The following ODF1 variants were observed in gnomAD, a reference collection of about 807,000 sequenced individuals.
The protein encoded by ODF1 is outer dense fiber protein 1.
In ODF1, 10 loss-of-function variants were observed where a neutral mutation model predicts 24.0. The observed-to-expected ratio is 0.42, with a 90% CI of 0.26 to 0.71. The LOEUF (loss-of-function observed/expected upper bound fraction) is 0.71, where lower values mean the gene tolerates loss of function less well. Ranked by LOEUF, ODF1 falls within the 30% of genes least tolerant of loss-of-function variation. The pLI is 0.28. For missense variants in ODF1, 282 were observed against 307.9 expected, an observed-to-expected ratio of 0.92 and a Z score of 0.63; for synonymous variants, 118 against 121.3, an observed-to-expected ratio of 0.97 and a Z score of 0.18.
chr8:102,553,008 A>ATAGATAGATAGATAGATAGT (rs1554684407), intron 1 of ODF1, among the ~76,000 whole-genome samples: 169 of 113,250 alleles, frequency 1.5e-3, no homozygotes, highest in African/African-American at 5.5e-3. Flanking sequence ...AGATAGATAG[A>ATAGATAGATAGATAGATAGT]TAGATAGATG....
chr8:102,559,131 T>G (rs1826148274), intron 1 of ODF1, among the ~76,000 whole-genome samples: 1 of 151,520 alleles, frequency 6.6e-6, no homozygotes, highest in Non-Finnish European at 1.5e-5. Context: ...ATTAACTGAT[T>G]TAAGCCTCAC....
chr8:102,558,731 C>T (rs1826143065), intron 1 of ODF1, among the ~76,000 whole-genome samples: 1 of 147,166 alleles, frequency 6.8e-6, no homozygotes, highest in African/African-American at 2.7e-5. Flanking sequence ...TCTCTCTCTA[C>T]ATGTATATAG....
At chr8:102,557,662 G>A (rs780648093) in intron 1 of ODF1, among the ~76,000 whole-genome samples, 1 of 152,262 alleles carries the variant, frequency 6.6e-6, no homozygotes, top group Non-Finnish European at 1.5e-5. Flanking sequence ...GCCAAAACCA[G>A]CTGTGGCCAT....
chr8:102,558,560 T>C (rs1188652871), intron 1 of ODF1, among the ~76,000 whole-genome samples: 2 of 152,244 alleles, frequency 1.3e-5, no homozygotes, highest in Non-Finnish European at 2.9e-5. Flanking sequence ...CTGAGTTCTG[T>C]TTGATCATTT....
At chr8:102,556,804 G>C (rs1182234879) in intron 1 of ODF1, among the ~76,000 whole-genome samples, 1 of 152,124 alleles carries the variant, frequency 6.6e-6, no homozygotes, top group South Asian at 2.1e-4. Context: ...GGAAAGAGAG[G>C]GATTGAGTTT....
intron 1 of ODF1, among the ~76,000 whole-genome samples, chr8:102,553,703 A>T (rs1826076951): frequency 6.6e-6 from 1 of 152,030 alleles, no homozygotes; most frequent in African/African-American, 2.4e-5. Context: ...CCCAGACTCT[A>T]CCAATTAAAA....
chr8:102,558,268 G>A (rs554367554), intron 1 of ODF1, among the ~76,000 whole-genome samples: 61 of 152,184 alleles, frequency 4.0e-4, no homozygotes, highest in African/African-American at 1.2e-3. Flanking sequence ...TGGCTAACAC[G>A]GTGAAACACC....
rs183648974 is a variant in ODF1 at position 102,558,879 on chromosome 8, G to A, written c.321-1573G>A. ...ATATGTTTACTTATCTGTATTTTGAGTCTTCTACAATGAACTTGTATAACT... is the reference window on the plus strand; with the variant it reads ...ATATGTTTACTTATCTGTATTTTGAATCTTCTACAATGAACTTGTATAACT... On this transcript the variant is annotated intron_variant, in intron 1 of 1. Coordinates refer to ENST00000285402, the MANE Select transcript of ODF1 (RefSeq NM_024410.4). Among the ~76,000 whole-genome samples, 217 of 151,402 alleles carry A rather than the reference G, an allele frequency of 1.4e-3. 3 individuals carry two copies. The highest frequency in any genetic ancestry group is 2.6e-3 in the Non-Finnish European group (180 of 68,006).
chr8:102,557,224 A>C (rs1826123195), intron 1 of ODF1, among the ~76,000 whole-genome samples: 1 of 152,154 alleles, frequency 6.6e-6, no homozygotes, highest in South Asian at 2.1e-4. Context: ...ATAGGAGGCA[A>C]ACTCCCTTTG....
chr8:102,560,041 TATC>T (rs1404840704), intron 1 of ODF1, among the ~76,000 whole-genome samples: 2 of 151,460 alleles, frequency 1.3e-5, no homozygotes, highest in Non-Finnish European at 2.9e-5. Context: ...CTAAGTAAAA[TATC>T]ATAATCTCAT....
intron 1 of ODF1, among the ~76,000 whole-genome samples, chr8:102,553,393 A>AC (rs1826072304): frequency 7.3e-6 from 1 of 136,650 alleles, no homozygotes; most frequent in African/African-American, 2.8e-5. Flanking sequence ...AAAAAAAAAA[A>AC]GGATAATTAT....
chr8:102,559,049 CAAA>C (rs200614583), intron 1 of ODF1, among the ~76,000 whole-genome samples: 3 of 124,972 alleles, frequency 2.4e-5, no homozygotes, highest in Admixed American at 7.9e-5. Context: ...CAGCACATTG[CAAA>C]AAAAAAAAAA....
At chr8:102,553,084 C>A (rs1022255393) in intron 1 of ODF1, among the ~76,000 whole-genome samples, 3 of 151,614 alleles carry the variant, frequency 2.0e-5, no homozygotes, top group African/African-American at 7.3e-5. Context: ...AATAGGAGGC[C>A]GGGTGCATTG....
chr8:102,553,159 TC>T, intron 1 of ODF1, among the ~76,000 whole-genome samples: 1 of 147,706 alleles, frequency 6.8e-6, no homozygotes. Context: ...GCTCAAGAGT[TC>T]GAGACCAGCC....
At chr8:102,555,415 G>A (rs541933482) in intron 1 of ODF1, among the ~76,000 whole-genome samples, 6 of 152,084 alleles carry the variant, frequency 3.9e-5, no homozygotes, top group Non-Finnish European at 8.8e-5. Context: ...ACTCTTTACC[G>A]GTACCTAGAA....
intron 1 of ODF1, among the ~76,000 whole-genome samples, chr8:102,552,539 T>C (rs1486671423): frequency 6.6e-6 from 1 of 152,068 alleles, no homozygotes; most frequent in Non-Finnish European, 1.5e-5. Flanking sequence ...TGTGGGAATA[T>C]CATTCTCCTA....
In ODF1 at chr8:102,560,790, CCTGCAGCCCCTGCAACCCG is replaced by C. The variant is rs765413977; in HGVS notation, c.660_678del (p.Cys221AlafsTer22). The C allele has an allele frequency of 5.6e-6, 5 of 890,472 alleles. No homozygotes were observed. Among genetic ancestry groups the C allele is most frequent in the Middle Eastern group, 2.7e-4 (1 of 3,772 alleles). 55.2% of individuals were successfully genotyped at this position (890,472 alleles called of 1,614,324 possible). A position where few individuals can be genotyped will look rare whatever the true frequency, so the allele number is the denominator to read the frequency against. On this transcript the variant is annotated frameshift_variant, in exon 2 of 2. Transcript: ENST00000285402. LOFTEE classifies it high-confidence loss of function. ...TGCAGCCCCTGCAGCCCCTGCAACC[CCTGCAGCCCCTGCAACCCG>C]TGCAGCCCATATGATCCTTGCAACC... is the stretch of plus-strand genomic sequence containing the variant.
At chr8:102,552,906 T>G (rs1486501453) in intron 1 of ODF1, among the ~76,000 whole-genome samples, 1 of 152,116 alleles carries the variant, frequency 6.6e-6, no homozygotes, top group Admixed American at 6.6e-5. Context: ...TAGAAAGGAT[T>G]GATGAAGCAT....
In ODF1 at chr8:102,553,765, T is replaced by C. The variant is rs558271002; in HGVS notation, c.320+1718T>C. On this transcript the variant is annotated intron_variant, in intron 1 of 1. Coordinates refer to ENST00000285402, the MANE Select transcript of ODF1 (RefSeq NM_024410.4). ...CTCTTGATGCCTCTTTCAGAAGCCT[T>C]GTTTCTTGGCATGCAGTAGAAACAG... Among the ~76,000 whole-genome samples the C allele has an allele frequency of 2.6e-5, 4 of 152,354 alleles. No homozygotes were observed. In the South Asian group the frequency reaches 8.3e-4, roughly 32 times the overall value.
Sources: gnomAD v4.1 joint callset for allele counts (sites outside exome capture counted in the v4.1 genomes callset) on GRCh38, gnomAD v4.1.1 for gene constraint, MANE v1.5 for transcripts, NCBI Gene and HGNC (gene_info 2026-07-23, HGNC 2026-07-21) for gene names.